Variants in ZNF804A observed in about 807,000 individuals in gnomAD.
ZNF804A encodes zinc finger protein 804A.
In ZNF804A, 2 loss-of-function variants were observed where a neutral mutation model predicts 16.5. The ratio of observed to expected loss-of-function variants is 0.12; its 90% CI spans 0.05 to 0.38. The LOEUF (loss-of-function observed/expected upper bound fraction) is 0.38, where lower values mean the gene tolerates loss of function less well. Among genes scored for constraint, ZNF804A ranks in the 10% least tolerant of loss-of-function variants. ZNF804A has a pLI of 0.99. For synonymous variants in ZNF804A, 534 were observed against 489.6 expected (o/e 1.09, Z -1.20); for missense variants, 1,473 against 1,390.7 (o/e 1.06, Z -0.94).
At chr2:184,923,655 T>A (rs1685566325) in intron 2 of ZNF804A, among the ~76,000 whole-genome samples, 1 of 152,076 alleles carries the variant, frequency 6.6e-6, no homozygotes. Flanking sequence ...TTTCAGTTTT[T>A]TCCTCATTCA....
At chr2:184,604,226 A>G (rs1691100623) in intron 1 of ZNF804A, among the ~76,000 whole-genome samples, 1 of 119,326 alleles carries the variant, frequency 8.4e-6, no homozygotes, top group Non-Finnish European at 1.6e-5. Context: ...GCTGGAGTGC[A>G]ATGGCGCCAT....
chr2:184,680,661 G>T (rs188615382), intron 1 of ZNF804A, among the ~76,000 whole-genome samples: 3 of 152,364 alleles, frequency 2.0e-5, no homozygotes, highest in African/African-American at 7.2e-5. Context: ...TCTTTGTCTT[G>T]CTCAACCTTT....
chr2:184,647,728 T>C (rs904368305), intron 1 of ZNF804A, among the ~76,000 whole-genome samples: 2 of 152,092 alleles, frequency 1.3e-5, no homozygotes, highest in Non-Finnish European at 2.9e-5. Context: ...TCAAGAAATA[T>C]GGGATTATGT....
At position 184,814,243 on chromosome 2, in the gene ZNF804A, A is replaced by G. The variant is rs563252410; in HGVS notation, c.112-52126A>G. Among the ~76,000 whole-genome samples the G allele has an allele frequency of 2.0e-4, 31 of 152,072 alleles. No individual in the cohort carries two copies. The South Asian group carries it at 6.4e-3, about 32-fold the overall frequency. ...TAAATGAATGGTTGATTGGAAAGAC[A>G]AATGCCTAACCTGAATTATTGAAAA... On this transcript the variant is annotated intron_variant, in intron 1 of 3. Transcript: ENST00000302277.
At chr2:184,899,697 A>T (rs1403335441) in intron 2 of ZNF804A, among the ~76,000 whole-genome samples, 1 of 151,972 alleles carries the variant, frequency 6.6e-6, no homozygotes, top group Non-Finnish European at 1.5e-5. Flanking sequence ...TAACATTTAA[A>T]ATACATCTTT....
chr2:184,721,437 T>C (rs547712949), intron 1 of ZNF804A, among the ~76,000 whole-genome samples: 1 of 152,176 alleles, frequency 6.6e-6, no homozygotes, highest in South Asian at 2.1e-4. Flanking sequence ...CATAGATATT[T>C]CTCAAAATAA....
chr2:184,753,433 A>G (rs1693905735), intron 1 of ZNF804A, among the ~76,000 whole-genome samples: 1 of 151,644 alleles, frequency 6.6e-6, no homozygotes, highest in Non-Finnish European at 1.5e-5. Context: ...ATGCAATACC[A>G]ATTCCCTCAT....
intron 1 of ZNF804A, among the ~76,000 whole-genome samples, chr2:184,749,169 G>A (rs1285024152): frequency 6.6e-6 from 1 of 151,340 alleles, no homozygotes; most frequent in Non-Finnish European, 1.5e-5. Context: ...GCTATGAGAA[G>A]TATGACCATT....
chr2:184,722,997 C>T (rs1693342463), intron 1 of ZNF804A, among the ~76,000 whole-genome samples: 3 of 151,918 alleles, frequency 2.0e-5, no homozygotes, highest in African/African-American at 7.2e-5. Context: ...GAATATATTA[C>T]TGTGAAGACA....
At chr2:184,649,279 G>A (rs1691941744) in intron 1 of ZNF804A, among the ~76,000 whole-genome samples, 2 of 152,160 alleles carry the variant, frequency 1.3e-5, no homozygotes, top group Non-Finnish European at 1.5e-5. Flanking sequence ...TGCAGCAAAA[G>A]CTGTGTTAAG....
intron 1 of ZNF804A, among the ~76,000 whole-genome samples, chr2:184,737,655 C>A (rs1022233783): frequency 6.6e-6 from 1 of 151,950 alleles, no homozygotes; most frequent in Non-Finnish European, 1.5e-5. Context: ...TTATATTTGT[C>A]TATGCCATTC....
chr2:184,881,207 A>G (rs1379828990), intron 2 of ZNF804A, among the ~76,000 whole-genome samples: 7 of 152,048 alleles, frequency 4.6e-5, no homozygotes, highest in Non-Finnish European at 1.0e-4. Context: ...ACTCAGTCAG[A>G]CAAAAATAAA....
At chr2:184,846,350 C>A (rs1327802995) in intron 1 of ZNF804A, among the ~76,000 whole-genome samples, 1 of 152,056 alleles carries the variant, frequency 6.6e-6, no homozygotes, top group South Asian at 2.1e-4. Context: ...CATTATATGC[C>A]TTTTTTCTAC....
In ZNF804A at chr2:184,909,204, G is replaced by C. The variant is rs529202543; in HGVS notation, c.256-24399G>C. 2.0e-5 allele frequency among the ~76,000 whole-genome samples: 3 copies of C among 152,150 alleles called. No individual in the cohort carries two copies. In the South Asian group the frequency reaches 6.2e-4, roughly 32 times the overall value. ...GCAACAATGAAATGAGACTGGCTTT[G>C]TCCCAACTGGTTTTATCGAGGAAAA... is the stretch of plus-strand genomic sequence containing the variant. On this transcript the variant is annotated intron_variant, in intron 2 of 3. Coordinates refer to ENST00000302277, the MANE Select transcript of ZNF804A (RefSeq NM_194250.2).
chr2:184,751,869 C>T (rs1693882426), intron 1 of ZNF804A, among the ~76,000 whole-genome samples: 1 of 150,950 alleles, frequency 6.6e-6, no homozygotes, highest in African/African-American at 2.4e-5. Flanking sequence ...CAACAAACAC[C>T]ACAAAAAAAA....
intron 1 of ZNF804A, among the ~76,000 whole-genome samples, chr2:184,644,643 G>T (rs975633295): frequency 6.6e-6 from 1 of 151,386 alleles, no homozygotes; most frequent in African/African-American, 2.4e-5. Context: ...TTCTTTGTTC[G>T]TTCTTAAACT....
intron 2 of ZNF804A, among the ~76,000 whole-genome samples, chr2:184,915,480 C>G (rs1685433785): frequency 6.6e-6 from 1 of 152,028 alleles, no homozygotes; most frequent in Admixed American, 6.6e-5. Context: ...TCTCACTGTA[C>G]TATCCAATGT....
At chr2:184,835,743 G>T (rs1338752104) in intron 1 of ZNF804A, among the ~76,000 whole-genome samples, 3 of 152,040 alleles carry the variant, frequency 2.0e-5, no homozygotes, top group African/African-American at 7.2e-5. Context: ...TCAGACACAG[G>T]TGGAGAACAT....
chr2:184,849,769 T>C (rs187428184), intron 1 of ZNF804A, among the ~76,000 whole-genome samples: 6 of 152,158 alleles, frequency 3.9e-5, no homozygotes, highest in Admixed American at 2.6e-4. Flanking sequence ...TGCACTCCTA[T>C]GCTTATTGCA....
Sources: gnomAD v4.1 joint callset for allele counts (sites outside exome capture counted in the v4.1 genomes callset) on GRCh38, gnomAD v4.1.1 for gene constraint, MANE v1.5 for transcripts, NCBI Gene and HGNC (gene_info 2026-07-23, HGNC 2026-07-21) for gene names.